URI1: variants seen among roughly 807,000 people sequenced by gnomAD.
URI1 encodes unconventional prefoldin RPB5 interactor 1.
In URI1, 39 loss-of-function variants were observed where a neutral mutation model predicts 60.2. That is an observed-to-expected ratio of 0.65 (90% CI 0.50 to 0.85). The LOEUF (loss-of-function observed/expected upper bound fraction) is 0.85. Ranked by LOEUF, URI1 falls within the 40% of genes least tolerant of loss-of-function variation. URI1 has a pLI of 0.00. For missense variants in URI1, 691 were observed against 665.9 expected, an observed-to-expected ratio of 1.04 and a Z score of -0.42; for synonymous variants, 251 against 236.8, an observed-to-expected ratio of 1.06 and a Z score of -0.55.
intron 1 of URI1, among the ~76,000 whole-genome samples, chr19:29,954,151 T>TATACAAA (rs2055213811): frequency 2.6e-5 from 4 of 152,166 alleles, no homozygotes; most frequent in Non-Finnish European, 5.9e-5. Context: ...TATCCTACAA[T>TATACAAA]ATATACAAAA....
At position 29,985,312 on chromosome 19, in the gene URI1, T is replaced by G. The variant is rs1160339103; in HGVS notation, c.231+11T>G. Reference sequence around the variant, plus strand: ...TCTTATAATATAATGGTATGTTTGGTGTGTTTCTTTTAAAGTAATAGTTGT... The same window carrying G: ...TCTTATAATATAATGGTATGTTTGGGGTGTTTCTTTTAAAGTAATAGTTGT... On this transcript the variant is annotated intron_variant, in intron 3 of 10. Transcript: ENST00000392271. 3.1e-6 allele frequency: 5 copies of G among 1,601,296 alleles called. No homozygotes were observed. The highest frequency in any genetic ancestry group is 4.3e-6 in the Non-Finnish European group (5 of 1,171,576).
intron 8 of URI1, among the ~76,000 whole-genome samples, chr19:30,010,410 A>G (rs949874731): frequency 6.6e-6 from 1 of 152,212 alleles, no homozygotes; most frequent in Non-Finnish European, 1.5e-5. Context: ...GTTGACTGAG[A>G]TGATTAGCCA....
At chr19:29,957,523 C>T (rs1179889695) in intron 1 of URI1, among the ~76,000 whole-genome samples, 1 of 152,138 alleles carries the variant, frequency 6.6e-6, no homozygotes, top group Non-Finnish European at 1.5e-5. Context: ...CAGTATCACA[C>T]TCTTACTATT....
intron 2 of URI1, chr19:29,980,168 G>T (rs1420696452): frequency 6.6e-6 from 1 of 152,062 alleles, no homozygotes; most frequent in Non-Finnish European, 1.5e-5. Context: ...GAGGTGAAAA[G>T]CCAGGCATCC....
At chr19:29,939,607 C>G (rs562079846), upstream of URI1, among the ~76,000 whole-genome samples, 1 of 152,096 alleles carries the variant, frequency 6.6e-6, no homozygotes. Flanking sequence ...ATAAGTGCTA[C>G]AAAGAAAATT....
intron 6 of URI1, among the ~76,000 whole-genome samples, chr19:30,006,237 CT>C (rs1439189904): frequency 2.0e-5 from 3 of 152,084 alleles, no homozygotes; most frequent in Non-Finnish European, 4.4e-5. Context: ...TTTGGGTTTA[CT>C]TCTGTAAAGC....
chr19:29,996,857 C>G (rs890703174), intron 4 of URI1, among the ~76,000 whole-genome samples: 1 of 151,480 alleles, frequency 6.6e-6, no homozygotes, highest in East Asian at 1.9e-4. Flanking sequence ...TGGATTCAAT[C>G]GAGATTACCA....
chr19:30,007,448 G>A (rs143047938), intron 6 of URI1, 22 bp from the exon 7 acceptor site: 30,126 of 1,608,726 alleles, frequency 0.019, 312 homozygotes, highest in Non-Finnish European at 0.022. Flanking sequence ...TAACAGCCAC[G>A]TCTTTTCCTT....
At chr19:29,993,820 AG>A (rs2055776415) in intron 4 of URI1, among the ~76,000 whole-genome samples, 1 of 152,114 alleles carries the variant, frequency 6.6e-6, no homozygotes, top group Non-Finnish European at 1.5e-5. Context: ...TCATTATTCC[AG>A]GGATATTCTG....
rs335007 is a variant in URI1, at chr19:29,967,946, C to G, written c.118-3247C>G. On this transcript the variant is annotated intron_variant, in intron 1 of 10. Coordinates refer to ENST00000392271, the MANE Select transcript of URI1 (RefSeq NM_003796.3). ...TCACATGCAGTGTTGGCATATACTC[C>G]TGTTGTTATTGCTCATAGGTTAAAG... is the stretch of plus-strand genomic sequence containing the variant. Among the ~76,000 whole-genome samples, 1,191 of 152,254 alleles carry G rather than the reference C, an allele frequency of 7.8e-3. 16 individuals carry two copies. The highest frequency in any genetic ancestry group is 0.027 in the African/African-American group (1,141 of 41,554).
Position 30,012,461 on chromosome 19 carries a change from G to GT in URI1, c.1356dup (p.Glu453Ter). The GT allele has an allele frequency of 6.2e-7, 1 of 1,614,206 alleles. No individual in the cohort carries two copies. Among genetic ancestry groups the GT allele is most frequent in the Non-Finnish European group, 8.5e-7 (1 of 1,180,016 alleles). On this transcript the variant is annotated frameshift_variant, in exon 10 of 11. Transcript: ENST00000392271. LOFTEE classifies it high-confidence loss of function. ...GAAGAAGCCACTTGCAGTGACACCA[G>GT]TGAGAGCATTTTGGAAGAGGAACCA...
chr19:29,980,388 A>G (rs1185883505), intron 2 of URI1: 3 of 152,092 alleles, frequency 2.0e-5, no homozygotes, highest in Middle Eastern at 3.4e-3. Context: ...ACTAAAAATT[A>G]TTTCTAAAGA....
At position 29,942,628 on chromosome 19, in the gene URI1, C is replaced by T. The variant is rs781327419; in HGVS notation, c.81C>T (p.Ala27=). The change falls in exon 1 of 11, where the codon GCC becomes GCT. Residue 27 remains alanine (A), a synonymous_variant. Transcript: ENST00000392271. ...CCCCTGCCCTGGTTCCGTTGCGCGC[C>T]CCGGATGTGGCGCGGCTGCGCGAGG... ...APAPALVPLR[A]PDVARLREEQ... is the part of the protein sequence containing the mutation. 4 of 1,469,234 alleles carry T rather than the reference C, an allele frequency of 2.7e-6. No individual in the cohort carries two copies. The highest frequency in any genetic ancestry group is 2.9e-5 in the African/African-American group (2 of 67,988). 91.0% of individuals were successfully genotyped at this position (1,469,234 alleles called of 1,614,324 possible).
chr19:29,974,466 G>A (rs539388894), intron 2 of URI1, among the ~76,000 whole-genome samples: 24 of 152,276 alleles, frequency 1.6e-4, no homozygotes, highest in African/African-American at 5.1e-4. Flanking sequence ...AATGAAAGGT[G>A]ATAGAGTAGT....
intron 3 of URI1, 50 bp from the exon 4 acceptor site, chr19:29,986,232 T>G: frequency 6.7e-7 from 1 of 1,486,212 alleles, no homozygotes; most frequent in Admixed American, 2.7e-5. Context: ...TAAAATGTAC[T>G]TTTCAGTGTT....
chr19:29,960,826 TGTA>T (rs1439817483), intron 1 of URI1, among the ~76,000 whole-genome samples: 3 of 152,234 alleles, frequency 2.0e-5, no homozygotes, highest in Non-Finnish European at 2.9e-5. Context: ...TTCAAAAAAT[TGTA>T]GTAAATATAA....
At chr19:29,951,736 C>G (rs1189863370) in intron 1 of URI1, among the ~76,000 whole-genome samples, 3 of 151,984 alleles carry the variant, frequency 2.0e-5, no homozygotes. Flanking sequence ...TTAGTAGAGA[C>G]GAGGTTTCAC....
At chr19:29,954,925 C>T (rs1413619569) in intron 1 of URI1, among the ~76,000 whole-genome samples, 1 of 152,074 alleles carries the variant, frequency 6.6e-6, no homozygotes, top group Non-Finnish European at 1.5e-5. Context: ...ATACAAAAGG[C>T]AGCTTATTTT....
At chr19:30,000,966 C>A (rs1937954228) in intron 4 of URI1, among the ~76,000 whole-genome samples, 1 of 151,804 alleles carries the variant, frequency 6.6e-6, no homozygotes, top group South Asian at 2.1e-4. Context: ...TACATAGTTT[C>A]ATTTCTGGAA....
Sources: allele counts gnomAD v4.1 joint callset (sites outside exome capture counted in the v4.1 genomes callset), GRCh38; gene constraint gnomAD v4.1.1; transcripts MANE v1.5; gene names NCBI Gene and HGNC (gene_info 2026-07-23, HGNC 2026-07-21).